TRMT11: variants seen among roughly 807,000 people sequenced by gnomAD.
The protein encoded by TRMT11 is tRNA (guanine(10)-N(2))-methyltransferase TRMT11.
A neutral mutation model predicts 62.8 loss-of-function variants in TRMT11; 53 were observed. The observed-to-expected ratio is 0.84, with a 90% CI of 0.68 to 1.06. The LOEUF (loss-of-function observed/expected upper bound fraction) is 1.06. Ranked by LOEUF, TRMT11 falls within the 50% of genes least tolerant of loss-of-function variation. The pLI, the probability that TRMT11 is intolerant of heterozygous loss-of-function variation, is 0.00. For synonymous variants in TRMT11, 188 were observed against 190.3 expected (o/e 0.99, Z 0.10); for missense variants, 556 against 553.4 (o/e 1.00, Z -0.05).
the TRMT11 span, among the ~76,000 whole-genome samples, chr6:126,223,187 C>T: frequency 3.9e-5 from 6 of 152,152 alleles, no homozygotes; most frequent in Middle Eastern, 3.4e-3. Context: ...TTTGGGAGAC[C>T]GAAGCAGGTG....
At chr6:126,016,914 A>G (rs756235509) in intron 11 of TRMT11, among the ~76,000 whole-genome samples, 6 of 152,116 alleles carry the variant, frequency 3.9e-5, no homozygotes, top group Non-Finnish European at 7.4e-5. Flanking sequence ...TTAATAGTGA[A>G]CTAAATTTGT....
At position 126,019,107 on chromosome 6, in the gene TRMT11, T is replaced by C. The variant is rs1386129294; in HGVS notation, c.1140-2053T>C. On this transcript the variant is annotated intron_variant, in intron 11 of 12. Transcript: ENST00000334379. Reference sequence around the variant, plus strand: ...TTTGGCCAGGCTGGTCTTGAACTCCTGACCTCAGGTGATCCACCTGCCTTG... The same window carrying C: ...TTTGGCCAGGCTGGTCTTGAACTCCCGACCTCAGGTGATCCACCTGCCTTG... Among the ~76,000 whole-genome samples, 9 of 152,280 alleles carry C rather than the reference T, an allele frequency of 5.9e-5. No homozygotes were observed. In the East Asian group the frequency reaches 1.5e-3, roughly 26 times the overall value.
chr6:125,993,446 T>C (rs1362903845), intron 1 of TRMT11, among the ~76,000 whole-genome samples: 1 of 152,240 alleles, frequency 6.6e-6, no homozygotes, highest in Non-Finnish European at 1.5e-5. Flanking sequence ...ACTTTATTCA[T>C]CAATCGTCAG....
chr6:126,035,189 T>C (rs1173996269), intron 12 of TRMT11, among the ~76,000 whole-genome samples: 4 of 152,116 alleles, frequency 2.6e-5, no homozygotes, highest in Non-Finnish European at 2.9e-5. Flanking sequence ...TTTATATGTA[T>C]GATTATATGT....
the TRMT11 span, among the ~76,000 whole-genome samples, chr6:126,239,839 G>A: frequency 1.3e-5 from 2 of 152,124 alleles, no homozygotes; most frequent in East Asian, 1.9e-4. Context: ...TCACTTTCAG[G>A]TACACCAATG....
At chr6:126,227,214 G>A in the TRMT11 span, among the ~76,000 whole-genome samples, 1 of 152,174 alleles carries the variant, frequency 6.6e-6, no homozygotes, top group Admixed American at 6.5e-5. Flanking sequence ...ACTGAAGTAG[G>A]TCTGCAACAG....
intron 17 of TRMT11, among the ~76,000 whole-genome samples, chr6:126,076,108 G>A (rs6932457): frequency 3.9e-5 from 6 of 152,192 alleles, no homozygotes; most frequent in Admixed American, 3.3e-4. Flanking sequence ...AGTAGGTTGT[G>A]GGGGGTTGGG....
chr6:126,226,784 A>G, the TRMT11 span, among the ~76,000 whole-genome samples: 1 of 152,184 alleles, frequency 6.6e-6, no homozygotes, highest in Non-Finnish European at 1.5e-5. Context: ...GTTGTAAGGC[A>G]GTTGATATGG....
intron 21 of TRMT11, among the ~76,000 whole-genome samples, chr6:126,130,032 T>G (rs1180648074): frequency 6.6e-6 from 1 of 152,114 alleles, no homozygotes; most frequent in Non-Finnish European, 1.5e-5. Context: ...GAATGTCCCA[T>G]TTTCCATAGC....
At chr6:126,206,220 A>C (rs1400640920), downstream of TRMT11, among the ~76,000 whole-genome samples, 1 of 152,212 alleles carries the variant, frequency 6.6e-6, no homozygotes, top group African/African-American at 2.4e-5. Context: ...ATAATAACCT[A>C]GGCTGCTTTT....
rs556759500 is a variant in TRMT11 at position 126,038,911 on chromosome 6, T to C, written c.*75T>C. 2.4e-6 allele frequency: 3 copies of C among 1,267,032 alleles called. No individual in the cohort carries two copies. Among genetic ancestry groups the C allele is most frequent in the Non-Finnish European group, 1.1e-6 (1 of 919,966 alleles). 78.5% of individuals were successfully genotyped at this position (1,267,032 alleles called of 1,614,324 possible). On this transcript the variant is annotated 3_prime_UTR_variant, in exon 13 of 13. Transcript: ENST00000334379. ...ACATCTGGATGTGAACTTTCATGTA[T>C]GATCCAGAAAATAGGTACGGTTTTA... is the stretch of plus-strand genomic sequence containing the variant.
intron 21 of TRMT11, among the ~76,000 whole-genome samples, chr6:126,160,994 G>A (rs896759465): frequency 6.6e-6 from 1 of 152,180 alleles, no homozygotes; most frequent in Non-Finnish European, 1.5e-5. Context: ...ATCGGGGTGA[G>A]TCAAAAGGTC....
intron 17 of TRMT11, among the ~76,000 whole-genome samples, chr6:126,058,614 C>A (rs1168795412): frequency 2.0e-5 from 3 of 151,910 alleles, no homozygotes; most frequent in South Asian, 2.1e-4. Flanking sequence ...AAAAACCCAT[C>A]AAAAAATCAA....
At chr6:126,095,900 C>G (rs1230559759) in intron 17 of TRMT11, among the ~76,000 whole-genome samples, 1 of 152,032 alleles carries the variant, frequency 6.6e-6, no homozygotes, top group African/African-American at 2.4e-5. Context: ...GAAAGCATAG[C>G]TTATTGAGAA....
At chr6:126,237,730 T>C in the TRMT11 span, among the ~76,000 whole-genome samples, 23 of 152,174 alleles carry the variant, frequency 1.5e-4, no homozygotes, top group African/African-American at 4.6e-4. Context: ...CCAGGAAAGC[T>C]TGCCCTAAAC....
chr6:126,111,773 A>G (rs1349537381), intron 17 of TRMT11, among the ~76,000 whole-genome samples: 2 of 152,104 alleles, frequency 1.3e-5, no homozygotes. Flanking sequence ...TTTTGGGGTC[A>G]GAGAGACCTA....
At chr6:126,199,129 A>G (rs1053993853) in intron 2 of TRMT11, among the ~76,000 whole-genome samples, 16 of 152,114 alleles carry the variant, frequency 1.1e-4, no homozygotes, top group Admixed American at 7.9e-4. Context: ...AGCTGGAAGT[A>G]AAAATGGCTT....
At chr6:126,110,377 T>G (rs536226689) in intron 17 of TRMT11, among the ~76,000 whole-genome samples, 110 of 152,246 alleles carry the variant, frequency 7.2e-4, no homozygotes, top group Admixed American at 1.9e-3. Flanking sequence ...TGCTTTTACA[T>G]GGATGAAGAG....
intron 8 of TRMT11, chr6:126,009,520 T>C (rs957002920): frequency 2.6e-5 from 4 of 152,042 alleles, no homozygotes; most frequent in African/African-American, 7.2e-5. Context: ...TCAGCCCTTA[T>C]AATACTCTTT....
Sources: allele counts gnomAD v4.1 joint callset (sites outside exome capture counted in the v4.1 genomes callset), GRCh38; gene constraint gnomAD v4.1.1; transcripts MANE v1.5; gene names NCBI Gene and HGNC (gene_info 2026-07-23, HGNC 2026-07-21).